SCMH1: variants seen among roughly 807,000 people sequenced by gnomAD.
SCMH1 encodes polycomb protein SCMH1.
In SCMH1, 37 loss-of-function variants were observed where a neutral mutation model predicts 70.8. That is an observed-to-expected ratio of 0.52 (90% CI 0.40 to 0.69). The LOEUF is 0.69. SCMH1 is among the 30% of genes least tolerant of loss of function. SCMH1 has a pLI of 0.00. For synonymous variants in SCMH1, 292 were observed against 307.4 expected (o/e 0.95, Z 0.52); for missense variants, 607 against 827.3 (o/e 0.73, Z 3.27).
intron 1 of SCMH1, among the ~76,000 whole-genome samples, chr1:41,192,480 G>A (rs746585845): frequency 2.4e-5 from 3 of 124,632 alleles, no homozygotes; most frequent in Non-Finnish European, 5.3e-5. Flanking sequence ...TAGTTGTTGA[G>A]AGGATTAAAT....
intron 8 of SCMH1, among the ~76,000 whole-genome samples, chr1:41,096,402 TTTC>T (rs1269923618): frequency 1.3e-5 from 2 of 152,244 alleles, no homozygotes; most frequent in Non-Finnish European, 2.9e-5. Flanking sequence ...TGCATTGTAG[TTTC>T]TTCATTTGTA....
At chr1:41,179,867 G>C (rs1244101074) in intron 2 of SCMH1, among the ~76,000 whole-genome samples, 1 of 152,114 alleles carries the variant, frequency 6.6e-6, no homozygotes, top group African/African-American at 2.4e-5. Context: ...CATTTTATGA[G>C]GCCAGCATCA....
At chr1:41,080,689 G>T (rs1659741893) in intron 8 of SCMH1, among the ~76,000 whole-genome samples, 1 of 152,034 alleles carries the variant, frequency 6.6e-6, no homozygotes, top group African/African-American at 2.4e-5. Flanking sequence ...CTCAACAGAT[G>T]AAGAAAAAGC....
chr1:41,211,812 T>C lies in SCMH1; in HGVS notation c.-117-25562A>G, dbSNP rs184038615. On this transcript the variant is annotated intron_variant, in intron 1 of 14. Coordinates refer to ENST00000337495, the Ensembl canonical transcript of SCMH1. The stretch of plus-strand genomic sequence containing the variant: ...CTGGATTAAGAAAATGTGGCCCATA[T>C]ACACCATGGAATACAATGCAGCCAT... Among the ~76,000 whole-genome samples the C allele has an allele frequency of 6.1e-3, 929 of 152,262 alleles. 14 individuals are homozygous for C. The highest frequency in any genetic ancestry group is 0.021 in the African/African-American group (888 of 41,530).
chr1:41,142,830 G>C, intron 6 of SCMH1, 48 bp downstream of exon 6: 1 of 1,494,912 alleles, frequency 6.7e-7, no homozygotes, highest in Non-Finnish European at 9.3e-7. Context: ...GTTTTTGGAC[G>C]CTAACTATTA....
intron 2 of SCMH1, among the ~76,000 whole-genome samples, chr1:41,166,457 A>T (rs1436400871): frequency 6.6e-6 from 1 of 152,076 alleles, no homozygotes; most frequent in Non-Finnish European, 1.5e-5. Flanking sequence ...TCACAATATT[A>T]ATTCTTTCCA....
intron 10 of SCMH1, among the ~76,000 whole-genome samples, chr1:41,053,499 C>A (rs1649017943): frequency 6.6e-6 from 1 of 152,180 alleles, no homozygotes; most frequent in African/African-American, 2.4e-5. Flanking sequence ...AAACCAACAG[C>A]CAGAACGAGC....
intron 10 of SCMH1, among the ~76,000 whole-genome samples, chr1:41,059,252 C>T (rs1651709507): frequency 6.6e-6 from 1 of 152,246 alleles, no homozygotes; most frequent in Non-Finnish European, 1.5e-5. Context: ...AAACCCACAG[C>T]ACTAAATGGG....
chr1:41,167,235 T>C (rs1293396035), intron 2 of SCMH1, among the ~76,000 whole-genome samples: 2 of 152,132 alleles, frequency 1.3e-5, no homozygotes, highest in Non-Finnish European at 2.9e-5. Context: ...TTCTTAGTAT[T>C]TTGTTGAAGA....
chr1:41,095,190 G>A (rs1664750951), intron 8 of SCMH1, among the ~76,000 whole-genome samples: 1 of 152,294 alleles, frequency 6.6e-6, no homozygotes, highest in Non-Finnish European at 1.5e-5. Flanking sequence ...CTCAATAAAT[G>A]TTAGTTGAGT....
intron 6 of SCMH1, among the ~76,000 whole-genome samples, chr1:41,138,902 T>C (rs532643034): frequency 6.6e-6 from 1 of 152,306 alleles, no homozygotes; most frequent in South Asian, 2.1e-4. Context: ...CATTTTTATA[T>C]ATCTTAAATT....
chr1:41,171,818 A>G (rs1646799574), intron 2 of SCMH1, among the ~76,000 whole-genome samples: 1 of 152,230 alleles, frequency 6.6e-6, no homozygotes, highest in Non-Finnish European at 1.5e-5. Flanking sequence ...AATTAAGGAG[A>G]AAATTTTAAA....
chr1:41,057,328 T>C (rs1334768483), intron 10 of SCMH1, among the ~76,000 whole-genome samples: 4 of 152,136 alleles, frequency 2.6e-5, no homozygotes, highest in Non-Finnish European at 5.9e-5. Flanking sequence ...TGCAGTGGCA[T>C]GATCTCGGCT....
chr1:41,157,105 C>G (rs1645625326), intron 4 of SCMH1, among the ~76,000 whole-genome samples: 1 of 151,952 alleles, frequency 6.6e-6, no homozygotes, highest in African/African-American at 2.4e-5. Context: ...AGGTGTGCAC[C>G]ACTATGCTTG....
intron 8 of SCMH1, among the ~76,000 whole-genome samples, chr1:41,109,651 T>C (rs1263520358): frequency 6.6e-6 from 1 of 152,192 alleles, no homozygotes; most frequent in Non-Finnish European, 1.5e-5. Context: ...AAATGTCACC[T>C]GGAAGGTCTC....
intron 8 of SCMH1, among the ~76,000 whole-genome samples, chr1:41,088,307 GA>G (rs1178002604): frequency 4.6e-5 from 7 of 152,262 alleles, no homozygotes; most frequent in Admixed American, 3.9e-4. Context: ...AGGTAGAAGA[GA>G]AAGGGTGGAC....
At chr1:41,070,926 C>A (rs1035114923) in intron 9 of SCMH1, among the ~76,000 whole-genome samples, 5 of 152,144 alleles carry the variant, frequency 3.3e-5, no homozygotes, top group African/African-American at 9.6e-5. Flanking sequence ...TATATACAAG[C>A]CTCTGGTCTT....
At chr1:41,203,722 C>T (rs571668803) in intron 1 of SCMH1, among the ~76,000 whole-genome samples, 16 of 152,346 alleles carry the variant, frequency 1.1e-4, no homozygotes, top group Admixed American at 7.8e-4. Context: ...ATAGCATGAG[C>T]GATCTGTGCC....
chr1:41,186,599 A>G (rs1477260873), intron 1 of SCMH1, among the ~76,000 whole-genome samples: 3 of 152,158 alleles, frequency 2.0e-5, no homozygotes, highest in Non-Finnish European at 2.9e-5. Flanking sequence ...GTCTCCCCCA[A>G]ATTCATACGT....
Sources: gnomAD v4.1 joint callset for allele counts (sites outside exome capture counted in the v4.1 genomes callset) on GRCh38, gnomAD v4.1.1 for gene constraint, MANE v1.5 for transcripts, NCBI Gene and HGNC (gene_info 2026-07-23, HGNC 2026-07-21) for gene names.